TTC7B: variants seen among roughly 807,000 people sequenced by gnomAD.
The protein encoded by TTC7B is tetratricopeptide repeat protein 7B.
A neutral mutation model predicts 106.8 loss-of-function variants in TTC7B; 28 were observed. That is an observed-to-expected ratio of 0.26 (90% CI 0.19 to 0.36). The LOEUF is 0.36. TTC7B is among the 10% of genes least tolerant of loss of function. TTC7B has a pLI of 1.00. For synonymous variants in TTC7B, 405 were observed against 430.6 expected (o/e 0.94, Z 0.74); for missense variants, 862 against 1,076.4 (o/e 0.80, Z 2.79).
In TTC7B at chr14:90,759,211, T is replaced by C. The variant is rs1013575142; in HGVS notation, c.446-14289A>G. Among the ~76,000 whole-genome samples the C allele has an allele frequency of 7.9e-5, 12 of 152,172 alleles. No homozygotes were observed. The highest frequency in any genetic ancestry group is 2.6e-4 in the African/African-American group (11 of 41,532). On this transcript the variant is annotated intron_variant, in intron 3 of 19. Transcript: ENST00000328459. The surrounding 1 kb of genome is among the most constrained non-coding windows in gnomAD (Gnocchi z 4.1). ...CTCTCCTTCTCCACAGAACAATCTG[T>C]GTTCTGCTCCCGCCCCCGAGAGAGT... is the stretch of plus-strand genomic sequence containing the variant.
chr14:90,646,990 T>A lies in TTC7B; in HGVS notation c.1551A>T (p.Ala517=). Reference sequence around the variant, plus strand: ...CAAGCTGCAGAGCCAGGTAGAAAGCTGCTTGGTGATCTGTGGGTGACAGGC... The same window carrying A: ...CAAGCTGCAGAGCCAGGTAGAAAGCAGCTTGGTGATCTGTGGGTGACAGGC... ...AHSLSPTDHQ[A]AFYLALQLAI... Residue 517 remains alanine, a synonymous_variant, in exon 14 of 20, where the codon GCA becomes GCT. Coordinates refer to ENST00000328459, the MANE Select transcript of TTC7B (RefSeq NM_001010854.2). 6.2e-7 allele frequency: 1 copy of A among 1,614,178 alleles called. No homozygotes were observed.
intron 4 of TTC7B, among the ~76,000 whole-genome samples, chr14:90,735,906 T>C (rs1020913019): frequency 1.2e-4 from 18 of 152,078 alleles, no homozygotes; most frequent in African/African-American, 4.3e-4. Context: ...TAGAATGAGA[T>C]AAGAACAAAG....
At chr14:90,705,734 G>T (rs760892592) in intron 5 of TTC7B, among the ~76,000 whole-genome samples, 56 of 152,072 alleles carry the variant, frequency 3.7e-4, no homozygotes, top group Non-Finnish European at 7.8e-4. Context: ...GACTTTTCTG[G>T]TTAATTGCTT....
intron 5 of TTC7B, among the ~76,000 whole-genome samples, chr14:90,710,148 CAAG>C (rs1171413864): frequency 6.6e-6 from 1 of 150,648 alleles, no homozygotes; most frequent in African/African-American, 2.4e-5. Flanking sequence ...ATCCAAATAT[CAAG>C]AAGAACTGGA....
At chr14:90,709,739 C>A (rs1422431762) in intron 5 of TTC7B, among the ~76,000 whole-genome samples, 6 of 151,314 alleles carry the variant, frequency 4.0e-5, no homozygotes, top group Non-Finnish European at 7.4e-5. Context: ...TATTTATGAG[C>A]AATTACATAA....
intron 19 of TTC7B, among the ~76,000 whole-genome samples, chr14:90,549,861 C>A (rs964031059): frequency 2.0e-5 from 3 of 152,260 alleles, no homozygotes; most frequent in South Asian, 4.1e-4. Flanking sequence ...CTTAGCAGAT[C>A]GCCCAGCATA....
intron 3 of TTC7B, among the ~76,000 whole-genome samples, chr14:90,771,586 C>A (rs1209600466): frequency 9.2e-5 from 14 of 151,978 alleles, no homozygotes; most frequent in African/African-American, 3.4e-4. Flanking sequence ...GGCGACAAAG[C>A]AAGACCCCGT....
chr14:90,534,099 C>CA lies in TTC7B; in HGVS notation c.*7268dup, dbSNP rs1194168951. 2 of 152,404 alleles carry CA rather than the reference C, an allele frequency of 1.3e-5. No homozygotes were observed. Among genetic ancestry groups the CA allele is most frequent in the East Asian group, 3.8e-4 (2 of 5,200 alleles). 9.4% of individuals were successfully genotyped at this position (152,404 alleles called of 1,614,324 possible). On this transcript the variant is annotated 3_prime_UTR_variant, in exon 20 of 20. Coordinates refer to ENST00000328459, the MANE Select transcript of TTC7B (RefSeq NM_001010854.2). ...CAGTGAGGATCACCCCCAGCAGGTG[C>CA]AGAGCTGGAGTGGGTCCCCCACGGT...
chr14:90,632,432 C>T (rs563155123), intron 15 of TTC7B, among the ~76,000 whole-genome samples: 1 of 152,340 alleles, frequency 6.6e-6, no homozygotes, highest in South Asian at 2.1e-4. Flanking sequence ...ACATTAGTCT[C>T]ACTTGCCAAG....
intron 15 of TTC7B, among the ~76,000 whole-genome samples, chr14:90,636,081 T>G (rs1227108367): frequency 1.4e-5 from 2 of 147,918 alleles, no homozygotes; most frequent in South Asian, 4.3e-4. Flanking sequence ...AGATTGTGCC[T>G]CTGCACTACA....
chr14:90,699,269 G>C (rs1887890338), intron 5 of TTC7B: 1 of 449,464 alleles, frequency 2.2e-6, no homozygotes, highest in African/African-American at 2.0e-5. Context: ...GAAGGCCAGA[G>C]CTCCAAAATC....
intron 5 of TTC7B, among the ~76,000 whole-genome samples, chr14:90,707,343 C>G (rs1305047402): frequency 6.6e-6 from 1 of 152,200 alleles, no homozygotes; most frequent in Admixed American, 6.5e-5. Context: ...CCTTGGTCTT[C>G]CCTATTCCCT....
At chr14:90,609,204 G>A (rs2139840054) in intron 17 of TTC7B, among the ~76,000 whole-genome samples, 1 of 152,312 alleles carries the variant, frequency 6.6e-6, no homozygotes, top group East Asian at 1.9e-4. Flanking sequence ...CTGCTGAACT[G>A]TTTGGAGAGT....
intron 1 of TTC7B, among the ~76,000 whole-genome samples, chr14:90,794,207 A>ACTTTTTTTTTTTTTT (rs1566891563): frequency 7.7e-6 from 1 of 130,618 alleles, no homozygotes. Flanking sequence ...CTGGCTGGGT[A>ACTTTTTTTTTTTTTT]TTTCTTTTTT....
intron 3 of TTC7B, among the ~76,000 whole-genome samples, chr14:90,769,527 A>C (rs1260370784): frequency 1.3e-5 from 2 of 152,248 alleles, no homozygotes; most frequent in Non-Finnish European, 2.9e-5. Flanking sequence ...GCACTCAGGG[A>C]GGCTGAGGTG....
At chr14:90,556,987 G>T (rs1595156022) in intron 19 of TTC7B, among the ~76,000 whole-genome samples, 1 of 152,186 alleles carries the variant, frequency 6.6e-6, no homozygotes, top group Admixed American at 6.5e-5. Context: ...AGTGTTGGAG[G>T]GTCTCCATGG....
At chr14:90,777,073 T>TAA (rs34763436) in intron 3 of TTC7B, among the ~76,000 whole-genome samples, 2 of 150,514 alleles carry the variant, frequency 1.3e-5, no homozygotes, top group African/African-American at 4.9e-5. Flanking sequence ...CTGTCTCTAC[T>TAA]AAAAAAAAAT....
At chr14:90,677,546 CAA>C (rs1248363727) in intron 8 of TTC7B, among the ~76,000 whole-genome samples, 1 of 152,216 alleles carries the variant, frequency 6.6e-6, no homozygotes, top group Non-Finnish European at 1.5e-5. Context: ...TCAGAATCAA[CAA>C]AGTTAGATTT....
At chr14:90,629,241 CCTTTTTTTTT>C (rs1443138241) in intron 15 of TTC7B, among the ~76,000 whole-genome samples, 1 of 36,342 alleles carries the variant, frequency 2.8e-5, no homozygotes, top group Non-Finnish European at 6.7e-5. Context: ...TTCTCAGGTT[CCTTTTTTTTT>C]CTTTTTTTTT....
Sources: gnomAD v4.1 joint callset for allele counts (sites outside exome capture counted in the v4.1 genomes callset) on GRCh38, gnomAD v4.1.1 for gene constraint, Gnocchi (gnomAD v3.1) non-coding constraint, MANE v1.5 for transcripts, NCBI Gene and HGNC (gene_info 2026-07-23, HGNC 2026-07-21) for gene names.